FCHSD2: variants seen among roughly 807,000 people sequenced by gnomAD.
The protein encoded by FCHSD2 is FCH and double SH3 domains 2.
In FCHSD2, 38 loss-of-function variants were observed where a neutral mutation model predicts 108.1. The observed-to-expected ratio is 0.35, with a 90% CI of 0.27 to 0.46. The LOEUF is 0.46. Among genes scored for constraint, FCHSD2 ranks in the 20% least tolerant of loss-of-function variants. The pLI is 1.00. For synonymous variants in FCHSD2, 279 were observed against 314.7 expected, an observed-to-expected ratio of 0.89 and a Z score of 1.20; for missense variants, 751 against 897.8, an observed-to-expected ratio of 0.84 and a Z score of 2.09.
At chr11:73,137,374 T>C (rs1474917826) in intron 2 of FCHSD2, among the ~76,000 whole-genome samples, 1 of 152,176 alleles carries the variant, frequency 6.6e-6, no homozygotes, top group Admixed American at 6.5e-5. Flanking sequence ...TCTCTGTCTT[T>C]ACATATTATA....
intron 6 of FCHSD2, among the ~76,000 whole-genome samples, chr11:72,986,183 G>A (rs1043546195): frequency 6.6e-6 from 1 of 152,090 alleles, no homozygotes; most frequent in African/African-American, 2.4e-5. Flanking sequence ...TTTTTACCTT[G>A]TCATAGTCAT....
At chr11:72,939,542 T>G (rs538279078) in intron 8 of FCHSD2, among the ~76,000 whole-genome samples, 10 of 152,060 alleles carry the variant, frequency 6.6e-5, no homozygotes, top group African/African-American at 2.4e-4. Flanking sequence ...TGGTTAGAAT[T>G]TGATCACTGA....
rs548063214 is a variant in FCHSD2, at chr11:73,064,866, T to C, written c.165+18829A>G. Among the ~76,000 whole-genome samples the C allele has an allele frequency of 1.3e-4, 20 of 152,282 alleles. No individual in the cohort carries two copies. The East Asian group carries it at 2.3e-3, about 18-fold the overall frequency. On this transcript the variant is annotated intron_variant, in intron 3 of 19. Coordinates refer to ENST00000409418, the MANE Select transcript of FCHSD2 (RefSeq NM_014824.3). ...GTTCTGAAATTGAGGCAGTAATTAA[T>C]AGCCTACCAACTAAAAAAAGTCCAG...
At chr11:72,876,026 A>G (rs981470559) in intron 12 of FCHSD2, among the ~76,000 whole-genome samples, 5 of 152,228 alleles carry the variant, frequency 3.3e-5, no homozygotes, top group African/African-American at 1.2e-4. Context: ...CCAGCAAAAG[A>G]AATGACTAGT....
At chr11:73,113,836 A>C (rs564619126) in intron 2 of FCHSD2, among the ~76,000 whole-genome samples, 20 of 152,250 alleles carry the variant, frequency 1.3e-4, no homozygotes, top group Admixed American at 1.1e-3. Flanking sequence ...GTTTCTTGAA[A>C]ACTTGTAGTG....
chr11:73,074,244 A>T (rs1340371091), intron 3 of FCHSD2, among the ~76,000 whole-genome samples: 1 of 152,206 alleles, frequency 6.6e-6, no homozygotes, highest in Non-Finnish European at 1.5e-5. Context: ...ATAGAAAAAT[A>T]AACTTTTCTA....
At chr11:72,980,524 A>G (rs1210600071) in intron 8 of FCHSD2, among the ~76,000 whole-genome samples, 1 of 152,072 alleles carries the variant, frequency 6.6e-6, no homozygotes, top group Non-Finnish European at 1.5e-5. Flanking sequence ...AGAAAGGATA[A>G]CATGTATTAA....
chr11:72,940,562 T>C, intron 8 of FCHSD2: 1 of 1,157,866 alleles, frequency 8.6e-7, no homozygotes, highest in Admixed American at 1.7e-5. Flanking sequence ...ATGCGCTTTC[T>C]TCTGAGAGTC....
At chr11:73,072,267 T>C (rs1859455267) in intron 3 of FCHSD2, among the ~76,000 whole-genome samples, 7 of 151,832 alleles carry the variant, frequency 4.6e-5, no homozygotes, top group Admixed American at 4.6e-4. Flanking sequence ...GCATCAACAA[T>C]GATTTCCTCT....
At chr11:73,057,543 G>A (rs1373851371) in intron 3 of FCHSD2, among the ~76,000 whole-genome samples, 1 of 152,062 alleles carries the variant, frequency 6.6e-6, no homozygotes, top group Non-Finnish European at 1.5e-5. Flanking sequence ...GAAGAAGAGA[G>A]GAAGGGAGGG....
intron 9 of FCHSD2, among the ~76,000 whole-genome samples, chr11:72,915,419 T>C (rs1189355192): frequency 2.6e-5 from 4 of 152,224 alleles, no homozygotes; most frequent in Non-Finnish European, 5.9e-5. Context: ...GGAATATACA[T>C]TGTTCTATTA....
At chr11:72,975,598 A>T (rs1219726268) in intron 8 of FCHSD2, among the ~76,000 whole-genome samples, 4 of 152,208 alleles carry the variant, frequency 2.6e-5, no homozygotes, top group Non-Finnish European at 5.9e-5. Flanking sequence ...TACACATTGT[A>T]CGCATGCATC....
chr11:72,875,576 G>A (rs763217205), intron 12 of FCHSD2, among the ~76,000 whole-genome samples: 3 of 152,044 alleles, frequency 2.0e-5, no homozygotes, highest in East Asian at 1.9e-4. Flanking sequence ...CGATCCTTCC[G>A]CCCTCCTGCC....
chr11:73,108,745 G>C (rs190254836), intron 2 of FCHSD2, among the ~76,000 whole-genome samples: 1 of 151,018 alleles, frequency 6.6e-6, no homozygotes, highest in Non-Finnish European at 1.5e-5. Context: ...ATTTTTTTTT[G>C]TATTTTTAGT....
chr11:73,039,152 G>A (rs1291893413), intron 3 of FCHSD2, among the ~76,000 whole-genome samples: 1 of 152,104 alleles, frequency 6.6e-6, no homozygotes, highest in East Asian at 1.9e-4. Flanking sequence ...ATTCCTAAGA[G>A]TCTAGTTCAA....
intron 8 of FCHSD2, among the ~76,000 whole-genome samples, chr11:72,982,534 G>A (rs972177782): frequency 6.6e-6 from 1 of 152,224 alleles, no homozygotes. Context: ...CCAAAGCAGA[G>A]CTTGCCTGTC....
intron 8 of FCHSD2, chr11:72,940,525 C>T (rs1856394052): frequency 1.1e-6 from 1 of 897,930 alleles, no homozygotes. Context: ...CATCCAGGAG[C>T]TATGGAGAAA....
chr11:72,868,457 A>T (rs1313206824), intron 12 of FCHSD2, among the ~76,000 whole-genome samples: 2 of 152,130 alleles, frequency 1.3e-5, no homozygotes, highest in Non-Finnish European at 2.9e-5. Context: ...CATGGCACAC[A>T]TACCAGGATT....
chr11:72,989,590 G>A (rs1205383080), intron 5 of FCHSD2, among the ~76,000 whole-genome samples: 2 of 152,204 alleles, frequency 1.3e-5, no homozygotes, highest in Non-Finnish European at 2.9e-5. Context: ...GTGAACAAGA[G>A]AAGCACGAAA....
Sources: gnomAD v4.1 joint callset for allele counts (sites outside exome capture counted in the v4.1 genomes callset) on GRCh38, gnomAD v4.1.1 for gene constraint, MANE v1.5 for transcripts, NCBI Gene and HGNC (gene_info 2026-07-23, HGNC 2026-07-21) for gene names.